Variants in DOCK4 observed in about 807,000 individuals in gnomAD.
DOCK4 encodes dedicator of cytokinesis 4.
A neutral mutation model predicts 268.1 loss-of-function variants in DOCK4; 97 were observed. The observed-to-expected ratio is 0.36, with a 90% confidence interval of 0.31 to 0.43. The LOEUF is 0.43. Among genes scored for constraint, DOCK4 ranks in the 20% least tolerant of loss-of-function variants. DOCK4 has a pLI of 1.00. For missense variants in DOCK4, 2,145 were observed against 2,455.7 expected, an observed-to-expected ratio of 0.87 and a Z score of 2.67; for synonymous variants, 954 against 887.2, an observed-to-expected ratio of 1.08 and a Z score of -1.34.
At chr7:112,001,661 G>A (rs185269386) in intron 2 of DOCK4, among the ~76,000 whole-genome samples, 1 of 152,252 alleles carries the variant, frequency 6.6e-6, no homozygotes, top group East Asian at 1.9e-4. Flanking sequence ...AGGTAAAAAT[G>A]AATCTTCTAT....
chr7:111,864,243 TAAAAA>T, intron 22 of DOCK4, among the ~76,000 whole-genome samples: 1 of 140,886 alleles, frequency 7.1e-6, no homozygotes, highest in South Asian at 2.3e-4. Flanking sequence ...TATTTTTATG[TAAAAA>T]AAAAAAAAAC....
chr7:112,003,217 C>T (rs1171503448), intron 2 of DOCK4, among the ~76,000 whole-genome samples: 1 of 151,584 alleles, frequency 6.6e-6, no homozygotes, highest in African/African-American at 2.4e-5. Flanking sequence ...TCTGTCTCTA[C>T]AAAAAATAAA....
intron 7 of DOCK4, among the ~76,000 whole-genome samples, chr7:111,979,507 G>C (rs1798448702): frequency 6.8e-6 from 1 of 147,216 alleles, no homozygotes; most frequent in Admixed American, 6.8e-5. Flanking sequence ...TGTGGCAAAA[G>C]TGGCATCATT....
At chr7:111,905,683 ATGTG>A (rs145889951) in intron 13 of DOCK4, among the ~76,000 whole-genome samples, 126 of 147,718 alleles carry the variant, frequency 8.5e-4, no homozygotes, top group South Asian at 4.4e-3. Context: ...ATATGCATGT[ATGTG>A]TGTGTGTGTG....
chr7:112,058,377 T>C (rs1210709400), intron 1 of DOCK4, among the ~76,000 whole-genome samples: 1 of 152,208 alleles, frequency 6.6e-6, no homozygotes, highest in Non-Finnish European at 1.5e-5. Flanking sequence ...GTAATATGCT[T>C]AAATTATATT....
intron 52 of DOCK4, among the ~76,000 whole-genome samples, chr7:111,729,055 C>T (rs771846375): frequency 6.6e-6 from 1 of 152,140 alleles, no homozygotes; most frequent in Non-Finnish European, 1.5e-5. Flanking sequence ...TGGACTTCTA[C>T]CTGCCAGAAT....
intron 2 of DOCK4, among the ~76,000 whole-genome samples, chr7:112,001,328 T>A (rs1800405585): frequency 6.6e-6 from 1 of 152,184 alleles, no homozygotes; most frequent in South Asian, 2.1e-4. Context: ...CTAAGTAGCA[T>A]GATGAAATCC....
At chr7:111,922,609 T>C (rs1242042748) in intron 12 of DOCK4, among the ~76,000 whole-genome samples, 1 of 151,914 alleles carries the variant, frequency 6.6e-6, no homozygotes, top group Non-Finnish European at 1.5e-5. Flanking sequence ...TCAGATGGAG[T>C]CTTACTCTGT....
chr7:111,987,505 T>A (rs1799139981), intron 6 of DOCK4, among the ~76,000 whole-genome samples: 1 of 152,148 alleles, frequency 6.6e-6, no homozygotes, highest in Non-Finnish European at 1.5e-5. Flanking sequence ...GAAATAAATA[T>A]TAGGCAGCAT....
chr7:111,804,800 A>G (rs1049562881), intron 30 of DOCK4, among the ~76,000 whole-genome samples: 2 of 151,970 alleles, frequency 1.3e-5, no homozygotes, highest in Non-Finnish European at 2.9e-5. Context: ...GGGTTTCGTC[A>G]TGTTTGCCAG....
chr7:112,071,879 TATCTC>T, intron 1 of DOCK4, among the ~76,000 whole-genome samples: 1 of 152,302 alleles, frequency 6.6e-6, no homozygotes, highest in South Asian at 2.1e-4. Flanking sequence ...GGTAAAGAAT[TATCTC>T]ATATTTCTAG....
rs143127804 is a variant in DOCK4 at position 112,173,679 on chromosome 7, G to A, written c.37+32423C>T. 4.5e-3 allele frequency among the ~76,000 whole-genome samples: 687 copies of A among 152,236 alleles called. 9 individuals carry two copies. Among genetic ancestry groups the A allele is most frequent in the Non-Finnish European group, 4.6e-3 (314 of 68,020 alleles). ...CTGAAAACAGCATGAAGACCTGCAG[G>A]AGGCCGTAGTCACAGCTATGCCAGC... On this transcript the variant is annotated intron_variant, in intron 1 of 52. Transcript: ENST00000428084.
At chr7:112,004,638 ATTTGCTTACCAT>A (rs1365737093) in intron 1 of DOCK4, among the ~76,000 whole-genome samples, 7 of 152,210 alleles carry the variant, frequency 4.6e-5, no homozygotes, top group Admixed American at 1.3e-4. Context: ...GACTGCATCC[ATTTGCTTACCAT>A]TACGTGCCCA....
At chr7:112,102,555 A>G (rs1810793527) in intron 1 of DOCK4, among the ~76,000 whole-genome samples, 1 of 152,212 alleles carries the variant, frequency 6.6e-6, no homozygotes, top group Non-Finnish European at 1.5e-5. Flanking sequence ...GTCAGGAATG[A>G]GATGAATGCT....
intron 1 of DOCK4, among the ~76,000 whole-genome samples, chr7:112,142,563 A>AT (rs2116291454): frequency 6.6e-6 from 1 of 152,318 alleles, no homozygotes; most frequent in Admixed American, 6.5e-5. Flanking sequence ...ATTATTTACT[A>AT]TTTTTTAAAT....
chr7:112,000,453 TAATA>T (rs71524825), intron 3 of DOCK4, 37 bp downstream of exon 3: 233,893 of 1,196,204 alleles, frequency 0.2, 26,462 homozygotes, highest in East Asian at 0.46. Flanking sequence ...CTATCTTTCT[TAATA>T]AATTTCATAA....
intron 26 of DOCK4, among the ~76,000 whole-genome samples, chr7:111,830,387 C>T (rs1802728664): frequency 6.6e-6 from 1 of 152,140 alleles, no homozygotes; most frequent in Admixed American, 6.5e-5. Context: ...GATTGAGCCA[C>T]TGCACTCCAG....
chr7:111,834,702 A>C lies in DOCK4; in HGVS notation c.2737-16T>G, dbSNP rs773525605. 1 of 1,493,806 alleles carries C rather than the reference A, an allele frequency of 6.7e-7. No individual in the cohort carries two copies. The highest frequency in any genetic ancestry group is 1.4e-5 in the African/African-American group (1 of 70,270). 92.5% of individuals were successfully genotyped at this position (1,493,806 alleles called of 1,614,324 possible). A position where few individuals can be genotyped will look rare whatever the true frequency, so the allele number is the denominator to read the frequency against. On this transcript the variant is annotated splice_polypyrimidine_tract_variant and intron_variant, in intron 25 of 52. Coordinates refer to ENST00000428084, the MANE Select transcript of DOCK4 (RefSeq NM_001363540.2). ...CAAACTCCCCCTAAGTTAAAAAAAAAAAAAGCATACATTTTATTTTTAGTA... is the reference window on the plus strand; with the variant it reads ...CAAACTCCCCCTAAGTTAAAAAAAACAAAAGCATACATTTTATTTTTAGTA...
intron 30 of DOCK4, among the ~76,000 whole-genome samples, chr7:111,805,721 A>G (rs1337199145): frequency 6.6e-6 from 1 of 152,234 alleles, no homozygotes. Flanking sequence ...AAGAATTTCA[A>G]CACTTCAGAG....
Sources: allele counts gnomAD v4.1 joint callset (sites outside exome capture counted in the v4.1 genomes callset), GRCh38; gene constraint gnomAD v4.1.1; transcripts MANE v1.5; gene names NCBI Gene and HGNC (gene_info 2026-07-23, HGNC 2026-07-21).